The following EXOC2 variants were observed in gnomAD, a reference collection of about 807,000 sequenced individuals.
EXOC2 encodes exocyst complex component 2.
EXOC2 carries 70 observed loss-of-function variants against 131.8 expected under a neutral mutation model. The observed-to-expected ratio is 0.53, with a 90% CI of 0.44 to 0.65. EXOC2 has a LOEUF of 0.65. Ranked by LOEUF, EXOC2 falls within the 30% of genes least tolerant of loss-of-function variation. The pLI is 0.00. For synonymous variants in EXOC2, 411 were observed against 398.4 expected (o/e 1.03, Z -0.38); for missense variants, 923 against 1,108.6 (o/e 0.83, Z 2.38).
At chr6:609,699 C>T (rs1225386893) in intron 7 of EXOC2, among the ~76,000 whole-genome samples, 1 of 152,150 alleles carries the variant, frequency 6.6e-6, no homozygotes, top group African/African-American at 2.4e-5. Flanking sequence ...GAATCTGTTA[C>T]TCTTGTGGCT....
At chr6:625,518 C>CTTTTTTTTTTTTTTTT (rs796295514) in intron 4 of EXOC2, among the ~76,000 whole-genome samples, 17 of 108,040 alleles carry the variant, frequency 1.6e-4, no homozygotes, top group Admixed American at 4.1e-4. Context: ...TGTTTCCGTT[C>CTTTTTTTTTTTTTTTT]TTTTTTTTTT....
At chr6:692,819 C>A (rs1765004174) in intron 1 of EXOC2, among the ~76,000 whole-genome samples, 200 bp downstream of exon 1, 1 of 40,656 alleles carries the variant, frequency 2.5e-5, no homozygotes, top group Admixed American at 3.1e-4. Flanking sequence ...GCCCAGCAGG[C>A]GGCTGACGGC....
intron 25 of EXOC2, among the ~76,000 whole-genome samples, chr6:496,663 T>C (rs1208492835): frequency 6.6e-6 from 1 of 152,194 alleles, no homozygotes; most frequent in Non-Finnish European, 1.5e-5. Flanking sequence ...TCCTCTAGAA[T>C]CTGCCCACCA....
At chr6:656,626 T>G in intron 1 of EXOC2, 1 of 1,604,686 alleles carries the variant, frequency 6.2e-7, no homozygotes, top group East Asian at 2.2e-5. Context: ...GGGCGGCGCT[T>G]GTGGGTCAGC....
intron 6 of EXOC2, among the ~76,000 whole-genome samples, chr6:616,048 A>G (rs2127673483): frequency 6.6e-6 from 1 of 152,330 alleles, no homozygotes; most frequent in East Asian, 1.9e-4. Context: ...TCATAACAGA[A>G]AAGTAAAAAC....
At chr6:493,677 T>A (rs1237323061) in intron 25 of EXOC2, among the ~76,000 whole-genome samples, 12 of 152,190 alleles carry the variant, frequency 7.9e-5, no homozygotes, top group Admixed American at 7.9e-4. Context: ...AAGGTTAACC[T>A]GCTATCCCTC....
At chr6:571,821 G>A (rs1758291471) in intron 13 of EXOC2, among the ~76,000 whole-genome samples, 1 of 152,164 alleles carries the variant, frequency 6.6e-6, no homozygotes, top group African/African-American at 2.4e-5. Flanking sequence ...GGCAGCCTAG[G>A]ACAAAGGGCG....
At chr6:521,613 A>C (rs1387939677) in intron 23 of EXOC2, among the ~76,000 whole-genome samples, 1 of 150,946 alleles carries the variant, frequency 6.6e-6, no homozygotes, top group African/African-American at 2.4e-5. Flanking sequence ...CCACGCCTTG[A>C]CCTCCCAGGC....
chr6:656,795 G>C, intron 1 of EXOC2: 2 of 1,604,702 alleles, frequency 1.2e-6, no homozygotes, highest in Non-Finnish European at 1.7e-6. Flanking sequence ...GCCTGGCCTC[G>C]TGGAGGCCGC....
chr6:617,686 C>G (rs1479315377), intron 6 of EXOC2, 25 bp downstream of exon 6: 2 of 1,602,588 alleles, frequency 1.2e-6, no homozygotes, highest in South Asian at 2.3e-5. Context: ...AAGCTGCCAG[C>G]AGATGGCTCT....
Position 497,766 on chromosome 6 carries a change from C to A in EXOC2, c.2437-277G>T, listed in dbSNP as rs1367535550. Reference sequence around the variant, plus strand: ...AAAATAAAAACTGTTTTGAACATTTCTTTTGCCTCTTGCCCCTTTCACTGG... The same window carrying A: ...AAAATAAAAACTGTTTTGAACATTTATTTTGCCTCTTGCCCCTTTCACTGG... On this transcript the variant is annotated intron_variant, in intron 24 of 27. Coordinates refer to ENST00000230449, the MANE Select transcript of EXOC2 (RefSeq NM_018303.6). Among the ~76,000 whole-genome samples, 11 of 152,174 alleles carry A rather than the reference C, an allele frequency of 7.2e-5. No individual in the cohort carries two copies. In the East Asian group the frequency reaches 1.9e-3, roughly 27 times the overall value.
chr6:679,322 G>A (rs903991544), intron 1 of EXOC2: 1 of 152,144 alleles, frequency 6.6e-6, no homozygotes, highest in Non-Finnish European at 1.5e-5. Flanking sequence ...CAGTTCACAA[G>A]AGAGGAGATG....
intron 2 of EXOC2, among the ~76,000 whole-genome samples, chr6:634,447 T>C (rs892924014): frequency 6.6e-6 from 1 of 152,208 alleles, no homozygotes; most frequent in Non-Finnish European, 1.5e-5. Context: ...GGTTTAGCAA[T>C]GGCAATGTTT....
rs537561646 is a variant in EXOC2 at position 502,490 on chromosome 6, A to G, written c.2381-2790T>C. ...TGCTGTGAACTCAACTCCCACTCGGACCCCGACATCATAAACACTTCCTGG... is the reference window on the plus strand; with the variant it reads ...TGCTGTGAACTCAACTCCCACTCGGGCCCCGACATCATAAACACTTCCTGG... On this transcript the variant is annotated intron_variant, in intron 23 of 27. Transcript: ENST00000230449. Among the ~76,000 whole-genome samples, 117 of 152,238 alleles carry G rather than the reference A, an allele frequency of 7.7e-4. 2 individuals carry two copies. Among genetic ancestry groups the G allele is most frequent in the Admixed American group, 2.1e-3 (32 of 15,290 alleles).
chr6:625,450 G>A (rs1015473280), intron 4 of EXOC2, among the ~76,000 whole-genome samples: 16 of 151,100 alleles, frequency 1.1e-4, no homozygotes, highest in Admixed American at 4.6e-4. Flanking sequence ...CATATCTCTC[G>A]TAGCTTTCAA....
chr6:604,764 C>T (rs1215575478), intron 7 of EXOC2, among the ~76,000 whole-genome samples: 5 of 150,886 alleles, frequency 3.3e-5, no homozygotes, highest in African/African-American at 4.9e-5. Context: ...CACCGCTGGC[C>T]TCTGCTTGTC....
intron 23 of EXOC2, among the ~76,000 whole-genome samples, chr6:508,837 G>A (rs929613683): frequency 1.3e-5 from 2 of 152,194 alleles, no homozygotes; most frequent in African/African-American, 2.4e-5. Flanking sequence ...GTCTAGTTTC[G>A]TAAGAGGCTG....
intron 1 of EXOC2, among the ~76,000 whole-genome samples, chr6:649,269 C>A (rs893850338): frequency 6.6e-6 from 1 of 152,182 alleles, no homozygotes; most frequent in Non-Finnish European, 1.5e-5. Flanking sequence ...AAAGTTAATA[C>A]AGATGAGAAT....
At chr6:505,297 G>T (rs1764475039) in intron 23 of EXOC2, among the ~76,000 whole-genome samples, 1 of 152,218 alleles carries the variant, frequency 6.6e-6, no homozygotes, top group Non-Finnish European at 1.5e-5. Flanking sequence ...CTGGTGTTGA[G>T]AATGGCTCAA....
Sources: allele counts gnomAD v4.1 joint callset (sites outside exome capture counted in the v4.1 genomes callset), GRCh38; gene constraint gnomAD v4.1.1; transcripts MANE v1.5; gene names NCBI Gene and HGNC (gene_info 2026-07-23, HGNC 2026-07-21).